The following STXBP4 variants were observed in gnomAD, a reference collection of about 807,000 sequenced individuals.
STXBP4 encodes syntaxin binding protein 4.
A neutral mutation model predicts 76.1 loss-of-function variants in STXBP4; 55 were observed. The observed-to-expected ratio is 0.72, with a 90% CI of 0.58 to 0.91. STXBP4 has a LOEUF of 0.91. STXBP4 is among the 40% of genes least tolerant of loss of function. The pLI is 0.00. For missense variants in STXBP4, 618 were observed against 636.9 expected (o/e 0.97, Z 0.32); for synonymous variants, 201 against 220.2 (o/e 0.91, Z 0.77).
At chr17:55,111,110 A>G (rs1237692073) in intron 16 of STXBP4, among the ~76,000 whole-genome samples, 2 of 152,124 alleles carry the variant, frequency 1.3e-5, no homozygotes, top group Non-Finnish European at 2.9e-5. Flanking sequence ...TGGCACAGTA[A>G]CTTCCTAACT....
At chr17:55,213,170 G>C in the STXBP4 span, among the ~76,000 whole-genome samples, 7 of 152,148 alleles carry the variant, frequency 4.6e-5, no homozygotes, top group Non-Finnish European at 1.0e-4. Context: ...TAAGAAATCT[G>C]TTTTTCCTGG....
In STXBP4 at chr17:55,162,260, CAGTGCA is replaced by C. The variant is rs2080342981; in HGVS notation, c.*2351_*2356del. 1 of 152,206 alleles carries C rather than the reference CAGTGCA, an allele frequency of 6.6e-6. No homozygotes were observed. Among genetic ancestry groups the C allele is most frequent in the Non-Finnish European group, 1.5e-5 (1 of 68,044 alleles). The allele number at this position is 152,206 out of a possible 1,614,324, so 9.4% of individuals were successfully genotyped here. A position where few individuals can be genotyped will look rare whatever the true frequency, so the allele number is the denominator to read the frequency against. On this transcript the variant is annotated 3_prime_UTR_variant, in exon 18 of 18. Transcript: ENST00000376352. ...TCAGGGCTTAGCAAGAATCCTTTTC[CAGTGCA>C]AATACGACCCTCATATTATGTTTTG... is the stretch of plus-strand genomic sequence containing the variant.
At chr17:55,114,694 T>C (rs1369354727) in intron 16 of STXBP4, among the ~76,000 whole-genome samples, 2 of 152,006 alleles carry the variant, frequency 1.3e-5, no homozygotes, top group African/African-American at 2.4e-5. Context: ...ATCATCTTGT[T>C]AGCCTTTTGG....
At chr17:55,109,354 GTATT>G (rs1163220469) in intron 16 of STXBP4, among the ~76,000 whole-genome samples, 1 of 151,934 alleles carries the variant, frequency 6.6e-6, no homozygotes. Flanking sequence ...AAAATGTCAA[GTATT>G]CATTAATATT....
intron 1 of STXBP4, among the ~76,000 whole-genome samples, chr17:54,975,384 C>A (rs930188070): frequency 6.6e-6 from 1 of 152,086 alleles, no homozygotes; most frequent in Non-Finnish European, 1.5e-5. Context: ...TGCAGCCAGT[C>A]CTGGTCAAGA....
chr17:55,129,894 C>T (rs2079956410), intron 16 of STXBP4, among the ~76,000 whole-genome samples: 1 of 152,060 alleles, frequency 6.6e-6, no homozygotes, highest in South Asian at 2.1e-4. Flanking sequence ...ATTAGTTAAC[C>T]TTAAGACAAA....
chr17:55,208,568 A>G, the STXBP4 span, among the ~76,000 whole-genome samples: 1 of 81,288 alleles, frequency 1.2e-5, no homozygotes, highest in African/African-American at 3.7e-5. Flanking sequence ...GAAGGAAGGG[A>G]GGGAGGGAAG....
chr17:55,017,253 C>G (rs904674035), intron 8 of STXBP4, among the ~76,000 whole-genome samples: 2 of 152,090 alleles, frequency 1.3e-5, no homozygotes, highest in Non-Finnish European at 2.9e-5. Context: ...TCCTCTCTGC[C>G]TCTGTCTCTC....
At chr17:55,044,813 C>G (rs961767903) in intron 11 of STXBP4, 2 of 151,814 alleles carry the variant, frequency 1.3e-5, no homozygotes, top group East Asian at 3.9e-4. Flanking sequence ...CTATGTAAGT[C>G]ACTTCATCCA....
intron 10 of STXBP4, among the ~76,000 whole-genome samples, chr17:55,035,728 G>A (rs1016027258): frequency 6.6e-6 from 1 of 151,770 alleles, no homozygotes; most frequent in Non-Finnish European, 1.5e-5. Flanking sequence ...TTAATGGGAT[G>A]AAAGAATTCT....
At chr17:55,194,546 AGC>A in the STXBP4 span, among the ~76,000 whole-genome samples, 1 of 152,198 alleles carries the variant, frequency 6.6e-6, no homozygotes, top group Non-Finnish European at 1.5e-5. Flanking sequence ...CATGCAAAGC[AGC>A]TAATACTCGC....
intron 16 of STXBP4, among the ~76,000 whole-genome samples, chr17:55,108,715 T>C (rs979572870): frequency 1.1e-4 from 17 of 152,182 alleles, no homozygotes; most frequent in Non-Finnish European, 2.2e-4. Context: ...ACCCTGCTTC[T>C]GCTCACCCTC....
chr17:55,049,814 GA>G (rs2078835824), intron 12 of STXBP4, among the ~76,000 whole-genome samples: 1 of 151,914 alleles, frequency 6.6e-6, no homozygotes, highest in Non-Finnish European at 1.5e-5. Flanking sequence ...CCGGAGTAAA[GA>G]TAGAAAGCCT....
intron 13 of STXBP4, among the ~76,000 whole-genome samples, chr17:55,077,749 T>C (rs1281552730): frequency 6.6e-6 from 1 of 151,388 alleles, no homozygotes; most frequent in Non-Finnish European, 1.5e-5. Context: ...TTTTTAGTTA[T>C]GTTAAATTAG....
intron 13 of STXBP4, among the ~76,000 whole-genome samples, chr17:55,077,686 CGTGTGTGTGTGTGTGTGT>C (rs10690646): frequency 2.8e-4 from 37 of 134,004 alleles, no homozygotes; most frequent in African/African-American, 4.2e-4. Flanking sequence ...TGTCTTACAT[CGTGTGTGTGTGTGTGTGT>C]GTGTGTGTGT....
intron 8 of STXBP4, among the ~76,000 whole-genome samples, chr17:55,026,047 A>G (rs1432082468): frequency 6.6e-6 from 1 of 152,242 alleles, no homozygotes; most frequent in East Asian, 1.9e-4. Flanking sequence ...TTAGGAATAA[A>G]TTTAAAAAAA....
At chr17:55,176,116 C>A (rs928585155), downstream of STXBP4, among the ~76,000 whole-genome samples, 1 of 152,162 alleles carries the variant, frequency 6.6e-6, no homozygotes, top group Non-Finnish European at 1.5e-5. Context: ...TATCGCCCAC[C>A]TTCTAGGGGC....
intron 1 of STXBP4, among the ~76,000 whole-genome samples, chr17:54,985,186 A>G (rs1234201095): frequency 1.3e-5 from 2 of 152,206 alleles, no homozygotes; most frequent in East Asian, 3.8e-4. Context: ...CATTTGTGAA[A>G]TCATCGCCAC....
rs1439981039 is a variant in STXBP4 at position 55,170,975 on chromosome 17, T to C, written c.*11064T>C. 6.6e-6 allele frequency: 1 copy of C among 152,212 alleles called. No individual in the cohort carries two copies. The highest frequency in any genetic ancestry group is 1.5e-5 in the Non-Finnish European group (1 of 68,034). 9.4% of individuals were successfully genotyped at this position (152,212 alleles called of 1,614,324 possible). A position where few individuals can be genotyped will look rare whatever the true frequency, so the allele number is the denominator to read the frequency against. ...TTCTGTGATTATGGATGTCAACTTA[T>C]CTCAGAGCAGTATCATTGGTTGAGC... On this transcript the variant is annotated 3_prime_UTR_variant, in exon 18 of 18. Coordinates refer to ENST00000376352, the MANE Select transcript of STXBP4 (RefSeq NM_178509.6).
Sources: allele counts gnomAD v4.1 joint callset (sites outside exome capture counted in the v4.1 genomes callset), GRCh38; gene constraint gnomAD v4.1.1; transcripts MANE v1.5; gene names NCBI Gene and HGNC (gene_info 2026-07-23, HGNC 2026-07-21).